The following MYO3B variants were observed in gnomAD, a reference collection of about 807,000 sequenced individuals.
MYO3B encodes the protein myosin IIIB.
MYO3B carries 156 observed loss-of-function variants against 174.6 expected under a neutral mutation model. The observed-to-expected ratio is 0.89, with a 90% CI of 0.78 to 1.02. The LOEUF (loss-of-function observed/expected upper bound fraction) is 1.02. MYO3B is among the 50% of genes least tolerant of loss of function. The pLI is 0.00. For synonymous variants in MYO3B, 563 were observed against 569.1 expected (o/e 0.99, Z 0.15); for missense variants, 1,632 against 1,639.4 (o/e 1.00, Z 0.08).
At chr2:170,563,007 C>T (rs1055956107) in intron 32 of MYO3B, among the ~76,000 whole-genome samples, 7 of 147,380 alleles carry the variant, frequency 4.7e-5, no homozygotes, top group African/African-American at 1.5e-4. Context: ...ATTGACTGAA[C>T]ACTACAAAGT....
At chr2:170,613,848 C>T (rs1284052425) in intron 32 of MYO3B, among the ~76,000 whole-genome samples, 1 of 152,176 alleles carries the variant, frequency 6.6e-6, no homozygotes, top group Non-Finnish European at 1.5e-5. Flanking sequence ...CGTGGGACTC[C>T]AAGTTCCTCA....
chr2:170,651,545 G>GT, intron 32 of MYO3B, 83 bp from the exon 33 acceptor site: 2 of 1,014,828 alleles, frequency 2.0e-6, no homozygotes, highest in Admixed American at 3.5e-5. Flanking sequence ...TTTCTACTAA[G>GT]TGCATTTATG....
intron 8 of MYO3B, among the ~76,000 whole-genome samples, chr2:170,336,687 T>G (rs1418783453): frequency 6.6e-6 from 1 of 152,184 alleles, no homozygotes; most frequent in Non-Finnish European, 1.5e-5. Context: ...CTGCCCCATA[T>G]CCTGCTGGGG....
intron 8 of MYO3B, among the ~76,000 whole-genome samples, chr2:170,364,570 A>G (rs185029310): frequency 3.9e-5 from 6 of 152,308 alleles, no homozygotes; most frequent in Admixed American, 6.5e-5. Context: ...GGAATTTGCA[A>G]TTCCTGGTTT....
In MYO3B at chr2:170,512,819, G is replaced by A. The variant is rs79333523; in HGVS notation, c.3371-2102G>A. Among the ~76,000 whole-genome samples, 1,324 of 152,232 alleles carry A rather than the reference G, an allele frequency of 8.7e-3. 30 individuals carry two copies. Among genetic ancestry groups the A allele is most frequent in the African/African-American group, 0.03 (1,248 of 41,534 alleles). On this transcript the variant is annotated intron_variant, in intron 28 of 34. Transcript: ENST00000408978. ...TAATATTTAGGAGTTCAGACTTTAG[G>A]AAAAAATTTTGTGCTTGGGTTCAAA...
intron 23 of MYO3B, among the ~76,000 whole-genome samples, chr2:170,447,625 G>A (rs951360763): frequency 1.3e-5 from 2 of 152,148 alleles, no homozygotes; most frequent in African/African-American, 4.8e-5. Context: ...AAACCACATC[G>A]GGTGGTGTAA....
intron 6 of MYO3B, among the ~76,000 whole-genome samples, chr2:170,223,974 C>T (rs2092926734): frequency 6.6e-6 from 1 of 152,150 alleles, no homozygotes; most frequent in African/African-American, 2.4e-5. Context: ...CCTCAGCCAC[C>T]AGAGGTGCCC....
At chr2:170,239,915 A>G (rs924230102) in intron 7 of MYO3B, among the ~76,000 whole-genome samples, 5 of 151,530 alleles carry the variant, frequency 3.3e-5, no homozygotes, top group Non-Finnish European at 7.4e-5. Context: ...GCAGGGCCAC[A>G]CTCCCTTTGA....
rs767874173 is a variant in MYO3B at position 170,514,985 on chromosome 2, C to G, written c.3435C>G (p.Ala1145=). Residue 1145 remains alanine, a synonymous_variant, in exon 29 of 35, where the codon GCC becomes GCG. Coordinates refer to ENST00000408978, the MANE Select transcript of MYO3B (RefSeq NM_138995.5). ...SPVAAGTRGS[A]EVQDCSEPGD... ...TCGCAGCAGGTACGAGGGGAAGTGC[C>G]GAGGTTCAAGACTGCAGCGAGCCTG... 1.2e-6 allele frequency: 2 copies of G among 1,613,882 alleles called. No individual in the cohort carries two copies. Among genetic ancestry groups the G allele is most frequent in the South Asian group, 1.1e-5 (1 of 91,024 alleles).
chr2:170,214,251 G>C (rs1026422102), intron 3 of MYO3B, 128 bp from the exon 4 acceptor site: 2 of 644,774 alleles, frequency 3.1e-6, no homozygotes, highest in Non-Finnish European at 5.3e-6. Flanking sequence ...AGTATTCCAA[G>C]CTGGAGTTTT....
chr2:170,622,907 A>C (rs904528213), intron 32 of MYO3B, among the ~76,000 whole-genome samples: 19 of 152,020 alleles, frequency 1.2e-4, no homozygotes, highest in Admixed American at 5.2e-4. Flanking sequence ...GGAACTCATC[A>C]TTTTTTATGG....
chr2:170,624,693 G>C (rs1696249624), intron 32 of MYO3B, among the ~76,000 whole-genome samples: 1 of 152,110 alleles, frequency 6.6e-6, no homozygotes, highest in African/African-American at 2.4e-5. Context: ...TATGATATTG[G>C]CTGTGGGTTT....
In MYO3B at chr2:170,468,817, A is replaced by G. The variant is rs372969021; in HGVS notation, c.3014+2106A>G. Among the ~76,000 whole-genome samples, 211 of 152,294 alleles carry G rather than the reference A, an allele frequency of 1.4e-3. 5 individuals carry two copies. The South Asian group carries it at 0.041, about 29-fold the overall frequency. ...TCTCTCAGAATGTCTACAGAGGGCA[A>G]ACACATAACTGCATGTATTGGGATG... On this transcript the variant is annotated intron_variant, in intron 25 of 34. Coordinates refer to ENST00000408978, the MANE Select transcript of MYO3B (RefSeq NM_138995.5).
intron 32 of MYO3B, among the ~76,000 whole-genome samples, chr2:170,561,357 T>C (rs1012739723): frequency 3.3e-5 from 5 of 152,238 alleles, no homozygotes; most frequent in Non-Finnish European, 5.9e-5. Context: ...ACTTACTAGT[T>C]ATCTGTACCC....
At chr2:170,512,830 G>C (rs907031379) in intron 28 of MYO3B, among the ~76,000 whole-genome samples, 1 of 152,136 alleles carries the variant, frequency 6.6e-6, no homozygotes, top group Non-Finnish European at 1.5e-5. Flanking sequence ...AAAAAATTTT[G>C]TGCTTGGGTT....
chr2:170,453,874 G>T (rs1410374992), intron 23 of MYO3B, among the ~76,000 whole-genome samples: 2 of 152,164 alleles, frequency 1.3e-5, no homozygotes, highest in Non-Finnish European at 2.9e-5. Context: ...ATCCACTTAA[G>T]GTGAGGAGGG....
rs183615321 is a variant in MYO3B, at chr2:170,210,328, A to G, written c.322-4051A>G. Among the ~76,000 whole-genome samples the G allele has an allele frequency of 8.5e-5, 13 of 152,350 alleles. No individual in the cohort carries two copies. The East Asian group carries it at 2.5e-3, about 29-fold the overall frequency. On this transcript the variant is annotated intron_variant, in intron 3 of 34. Transcript: ENST00000408978. ...TGTCAGCTTTATTTTATCTAATTCAAAACAGTCCTTTAAACCTAGGCAAGA... is the reference window on the plus strand; with the variant it reads ...TGTCAGCTTTATTTTATCTAATTCAGAACAGTCCTTTAAACCTAGGCAAGA...
rs34018697 is a variant in MYO3B at position 170,216,889 on chromosome 2, GAA to G, written c.527-420_527-419del. 1.5e-4 allele frequency among the ~76,000 whole-genome samples: 23 copies of G among 150,278 alleles called. No homozygotes were observed. The East Asian group carries it at 3.3e-3, about 22-fold the overall frequency. ...GATATAGACAGGGATGTCCATTAGG[GAA>G]AAAAAAAAATCCTAATGATTTAAAT... On this transcript the variant is annotated intron_variant, in intron 5 of 34. Transcript: ENST00000408978.
intron 1 of MYO3B, among the ~76,000 whole-genome samples, chr2:170,182,759 C>T (rs73025104): frequency 0.031 from 4,625 of 151,636 alleles, 233 homozygotes; most frequent in African/African-American, 0.1. Flanking sequence ...TTACAGGCAC[C>T]TGCACCACAC....
Sources: allele counts gnomAD v4.1 joint callset (sites outside exome capture counted in the v4.1 genomes callset), GRCh38; gene constraint gnomAD v4.1.1; transcripts MANE v1.5; gene names NCBI Gene and HGNC (gene_info 2026-07-23, HGNC 2026-07-21).